Variants in ZFP36L2 observed in about 807,000 individuals in gnomAD.
ZFP36L2 encodes the protein ZFP36 like 2 zinc finger CCCH-type, also known as mRNA decay activator protein ZFP36L2.
In ZFP36L2, 16 loss-of-function variants were observed where a neutral mutation model predicts 27.9. That is an observed-to-expected ratio of 0.57 (90% confidence interval 0.39 to 0.87). The LOEUF (loss-of-function observed/expected upper bound fraction) is 0.87. Ranked by LOEUF, ZFP36L2 falls within the 40% of genes least tolerant of loss-of-function variation. ZFP36L2 has a pLI of 0.00. For missense variants in ZFP36L2, 989 were observed against 726.9 expected (o/e 1.36, Z -4.15); for synonymous variants, 600 against 363.8 (o/e 1.65, Z -7.39).
chr2:43,225,128 A>C lies in ZFP36L2; in HGVS notation c.676T>G (p.Ser226Ala). 1 of 1,594,426 alleles carries C rather than the reference A, an allele frequency of 6.3e-7. No individual in the cohort carries two copies. The change falls in exon 2 of 2, where the codon TCG becomes GCG. Residue 226 changes from serine (S) to alanine (A), a missense_variant. Physicochemically the swap from Ser to Ala is moderately conservative, Grantham distance 99. Transcript: ENST00000282388. The part of the protein sequence containing the change: ...HNADERRPAP[S>A]GGASGDLRAF... Reference sequence around the variant, plus strand: ...CGCAGGTCCCCGGAGGCGCCCCCCGACGGCGCGGGCCGCCGCTCGTCCGCG... The same window carrying C: ...CGCAGGTCCCCGGAGGCGCCCCCCGCCGGCGCGGGCCGCCGCTCGTCCGCG...
At position 43,224,882 on chromosome 2, in the gene ZFP36L2, A is replaced by C. The variant is rs373995498; in HGVS notation, c.922T>G (p.Ser308Ala). 5.4e-5 allele frequency: 82 copies of C among 1,516,378 alleles called. No individual in the cohort carries two copies. The East Asian group carries it at 8.5e-4, about 16-fold the overall frequency. The allele number at this position is 1,516,378 out of a possible 1,614,324, so 93.9% of individuals were successfully genotyped here. The change falls in exon 2 of 2, where the codon TCG becomes GCG. Residue 308 changes from serine (S) to alanine (A), a missense_variant. Ser to Ala is a moderately conservative substitution (Grantham distance 99). Coordinates refer to ENST00000282388, the MANE Select transcript of ZFP36L2 (RefSeq NM_006887.5). ...SCSSSASSCS[S>A]ASAASTPSGA... The stretch of plus-strand genomic sequence containing the variant: ...GAGGGCGTGGAGGCCGCGGAGGCCG[A>C]GGAACAGGAGGAGGCGGAGGAGGAG...
chr2:43,224,388 A>G lies in ZFP36L2; in HGVS notation c.1416T>C (p.Ser472=). Reference sequence around the variant, plus strand: ...GGCCAGGGTCGAGGCTGGGAGACTCAGAGCCGCTGAGGCTGCCGGAGCTCA... The same window carrying G: ...GGCCAGGGTCGAGGCTGGGAGACTCGGAGCCGCTGAGGCTGCCGGAGCTCA... ...GSLSSGSLSG[S]ESPSLDPGRR... The change falls in exon 2 of 2, where the codon TCT becomes TCC. Residue 472 remains serine, a synonymous_variant. Transcript: ENST00000282388. 6.4e-7 allele frequency: 1 copy of G among 1,562,248 alleles called. No homozygotes were observed. Among genetic ancestry groups the G allele is most frequent in the South Asian group, 1.2e-5 (1 of 86,916 alleles).
rs1666991067 is a variant in ZFP36L2 at position 43,222,506 on chromosome 2, C to T, written c.*1813G>A. On this transcript the variant is annotated 3_prime_UTR_variant, in exon 2 of 2. Transcript: ENST00000282388. ...TGAGCTGATTCCCCAAAATATATTA[C>T]AACTCAAGTTGACTTATCTTGTTAC... The T allele has an allele frequency of 6.6e-6, 1 of 152,328 alleles. No homozygotes were observed. 9.4% of individuals were successfully genotyped at this position (152,328 alleles called of 1,614,324 possible).
rs1446944474 is a variant in ZFP36L2 at position 43,224,655 on chromosome 2, A to C, written c.1149T>G (p.Phe383Leu). ...AGTAGGCGGCGGCGGCCACGGCGGC[A>C]AAGTTGTGGGTCTGGATGGCGAGCG... Reference protein sequence around the residue: ...ITPLAIQTHNFAAVAAAAYYR... With the variant: ...ITPLAIQTHNLAAVAAAAYYR... Residue 383 changes from phenylalanine (F) to leucine (L), a missense_variant, in exon 2 of 2, where the codon TTT becomes TTG. By Grantham distance (22) the Phe-to-Leu change is conservative. Coordinates refer to ENST00000282388, the MANE Select transcript of ZFP36L2 (RefSeq NM_006887.5). 6 of 1,516,586 alleles carry C rather than the reference A, an allele frequency of 4.0e-6. No individual in the cohort carries two copies. The African/African-American group carries it at 7.2e-5, about 18-fold the overall frequency. 93.9% of individuals were successfully genotyped at this position (1,516,586 alleles called of 1,614,324 possible).
rs1391998387 is a variant in ZFP36L2, at chr2:43,226,540, C to A, written c.-225G>T. ...AGGAGAGAAGCGAGGAGCGCTCCTCCGCGCCCCGGGGTGCCCGGCCCGCCC... is the reference window on the plus strand; with the variant it reads ...AGGAGAGAAGCGAGGAGCGCTCCTCAGCGCCCCGGGGTGCCCGGCCCGCCC... On this transcript the variant is annotated 5_prime_UTR_variant, in exon 1 of 2. Coordinates refer to ENST00000282388, the MANE Select transcript of ZFP36L2 (RefSeq NM_006887.5). 2.2e-5 allele frequency: 12 copies of A among 536,104 alleles called. No individual in the cohort carries two copies. In the African/African-American group the frequency reaches 2.5e-4, roughly 11 times the overall value. 33.2% of individuals were successfully genotyped at this position (536,104 alleles called of 1,614,324 possible). A position where few individuals can be genotyped will look rare whatever the true frequency, so the allele number is the denominator to read the frequency against.
Position 43,225,735 on chromosome 2 carries a change from G to C in ZFP36L2, c.69C>G (p.Ala23=). 1 of 1,592,702 alleles carries C rather than the reference G, an allele frequency of 6.3e-7. No homozygotes were observed. Among genetic ancestry groups the C allele is most frequent in the Non-Finnish European group, 8.5e-7 (1 of 1,177,612 alleles). The change falls in exon 2 of 2, where the codon GCC becomes GCG. Residue 23 remains alanine, a synonymous_variant. Coordinates refer to ENST00000282388, the MANE Select transcript of ZFP36L2 (RefSeq NM_006887.5). ...DFLCKTEKSL[A]NLNLNNMLDK... is the part of the protein sequence containing the mutation. ...CCAGCATGTTGTTCAGGTTGAGGTT[G>C]GCCAGGGATTTCTCTGTCTGCCAAA...
At position 43,225,672 on chromosome 2, in the gene ZFP36L2, G is replaced by A. The variant is rs1215743519; in HGVS notation, c.132C>T (p.Pro44=). 1.3e-5 allele frequency: 21 copies of A among 1,591,792 alleles called. No homozygotes were observed. The highest frequency in any genetic ancestry group is 1.7e-5 in the Non-Finnish European group (20 of 1,177,036). Residue 44 remains proline, a synonymous_variant, in exon 2 of 2, where the codon CCC becomes CCT. Coordinates refer to ENST00000282388, the MANE Select transcript of ZFP36L2 (RefSeq NM_006887.5). ...GGAATCCCGGCGCGAAGCCCGAGCTGGGGGCGGCGGCCACAGGCGTCCCCA... is the reference window on the plus strand; with the variant it reads ...GGAATCCCGGCGCGAAGCCCGAGCTAGGGGCGGCGGCCACAGGCGTCCCCA... ...KAVGTPVAAA[P]SSGFAPGFLR... is the part of the protein sequence containing the mutation.
At position 43,224,181 on chromosome 2, in the gene ZFP36L2, C is replaced by A; in HGVS notation, c.*138G>T. The A allele has an allele frequency of 1.2e-6, 1 of 841,794 alleles. No individual in the cohort carries two copies. 52.1% of individuals were successfully genotyped at this position (841,794 alleles called of 1,614,324 possible). Reference sequence around the variant, plus strand: ...CCGGCACAGAGTTCGAGTCCAAGTGCTCGGTCGGGCTTGCAGTCTGCCTAG... The same window carrying A: ...CCGGCACAGAGTTCGAGTCCAAGTGATCGGTCGGGCTTGCAGTCTGCCTAG... On this transcript the variant is annotated 3_prime_UTR_variant, in exon 2 of 2. Coordinates refer to ENST00000282388, the MANE Select transcript of ZFP36L2 (RefSeq NM_006887.5).
chr2:43,226,167 A>G, intron 1 of ZFP36L2, 98 bp downstream of exon 1: 3 of 1,490,804 alleles, frequency 2.0e-6, no homozygotes, highest in Non-Finnish European at 2.7e-6. Flanking sequence ...CCCGACCTGA[A>G]AGGCAGGGCG....
At position 43,224,856 on chromosome 2, in the gene ZFP36L2, C is replaced by G. The variant is rs753764992; in HGVS notation, c.948G>C (p.Ser316=). The G allele has an allele frequency of 2.0e-6, 3 of 1,475,948 alleles. No homozygotes were observed. Among genetic ancestry groups the G allele is most frequent in the African/African-American group, 1.5e-5 (1 of 67,124 alleles). The allele number at this position is 1,475,948 out of a possible 1,614,324, so 91.4% of individuals were successfully genotyped here. ...CGGAGGCGCAGCATGTCGGGGCGCC[C>G]GAGGGCGTGGAGGCCGCGGAGGCCG... ...CSSASAASTP[S]GAPTCCASAA... Residue 316 remains serine, a synonymous_variant, in exon 2 of 2, where the codon TCG becomes TCC. Coordinates refer to ENST00000282388, the MANE Select transcript of ZFP36L2 (RefSeq NM_006887.5).
rs752756071 is a variant in ZFP36L2, at chr2:43,225,547, C to A, written c.257G>T (p.Ser86Ile). 2 of 1,580,698 alleles carry A rather than the reference C, an allele frequency of 1.3e-6. No individual in the cohort carries two copies. Among genetic ancestry groups the A allele is most frequent in the Non-Finnish European group, 1.7e-6 (2 of 1,167,638 alleles). ...ACCGCCGGCCGCCGCGCTGCCGCAG[C>A]TGCTGCCGTTAGCGGCGCCCGGGAA... The part of the protein sequence containing the change: ...PKFPGAANGS[S>I]CGSAAAGGPT... The change falls in exon 2 of 2, where the codon AGC becomes ATC. Residue 86 changes from serine to isoleucine, a missense_variant. By Grantham distance (142) the Ser-to-Ile change is moderately radical. Coordinates refer to ENST00000282388, the MANE Select transcript of ZFP36L2 (RefSeq NM_006887.5).
rs899696795 is a variant in ZFP36L2, at chr2:43,223,525, A to G, written c.*794T>C. On this transcript the variant is annotated 3_prime_UTR_variant, in exon 2 of 2. Coordinates refer to ENST00000282388, the MANE Select transcript of ZFP36L2 (RefSeq NM_006887.5). ...TGGTGCGAATCAACTCAAAACAGCT[A>G]AAAATTCAGCAGTTATTCTCCAACA... is the stretch of plus-strand genomic sequence containing the variant. The G allele has an allele frequency of 6.6e-6, 1 of 152,608 alleles. No homozygotes were observed. Among genetic ancestry groups the G allele is most frequent in the Non-Finnish European group, 1.5e-5 (1 of 68,040 alleles). 9.5% of individuals were successfully genotyped at this position (152,608 alleles called of 1,614,324 possible).
chr2:43,223,216 TAATG>T lies in ZFP36L2; in HGVS notation c.*1099_*1102del, dbSNP rs1246053855. On this transcript the variant is annotated 3_prime_UTR_variant, in exon 2 of 2. Transcript: ENST00000282388. The stretch of plus-strand genomic sequence containing the variant: ...AATTTACGTAAACAAGGAAAGAAAT[TAATG>T]AAATAAATATTACATACAATCTCTT... The T allele has an allele frequency of 6.6e-6, 1 of 152,196 alleles. No homozygotes were observed. Among genetic ancestry groups the T allele is most frequent in the Non-Finnish European group, 1.5e-5 (1 of 68,012 alleles). The allele number at this position is 152,196 out of a possible 1,614,324, so 9.4% of individuals were successfully genotyped here.
In ZFP36L2 at chr2:43,224,194, G is replaced by C; in HGVS notation, c.*125C>G. 1 of 1,002,004 alleles carries C rather than the reference G, an allele frequency of 1.0e-6. No individual in the cohort carries two copies. The highest frequency in any genetic ancestry group is 1.3e-6 in the Non-Finnish European group (1 of 759,794). 62.1% of individuals were successfully genotyped at this position (1,002,004 alleles called of 1,614,324 possible). A position where few individuals can be genotyped will look rare whatever the true frequency, so the allele number is the denominator to read the frequency against. On this transcript the variant is annotated 3_prime_UTR_variant, in exon 2 of 2. Transcript: ENST00000282388. Reference sequence around the variant, plus strand: ...CGAGTCCAAGTGCTCGGTCGGGCTTGCAGTCTGCCTAGGGCCCATGTCACC... The same window carrying C: ...CGAGTCCAAGTGCTCGGTCGGGCTTCCAGTCTGCCTAGGGCCCATGTCACC...
At position 43,223,343 on chromosome 2, in the gene ZFP36L2, GATTA is replaced by G. The variant is rs908307661; in HGVS notation, c.*972_*975del. 1.3e-5 allele frequency: 2 copies of G among 152,188 alleles called. No individual in the cohort carries two copies. The highest frequency in any genetic ancestry group is 4.8e-5 in the African/African-American group (2 of 41,386). The allele number at this position is 152,188 out of a possible 1,614,324, so 9.4% of individuals were successfully genotyped here. ...AAGAACATACACTCCACATTTTGCC[GATTA>G]ATAATGGCAATCATAATTTAACATA... On this transcript the variant is annotated 3_prime_UTR_variant, in exon 2 of 2. Coordinates refer to ENST00000282388, the MANE Select transcript of ZFP36L2 (RefSeq NM_006887.5).
rs1406176635 is a variant in ZFP36L2 at position 43,225,507 on chromosome 2, G to A, written c.297C>T (p.Gly99=). The A allele has an allele frequency of 3.1e-6, 5 of 1,604,612 alleles. No homozygotes were observed. The highest frequency in any genetic ancestry group is 4.2e-6 in the Non-Finnish European group (5 of 1,177,380). Reference sequence around the variant, plus strand: ...CGCCCCCCGACGGCTCCTTAAGGGTGCCGTAGGAGGTCGGACCGCCGGCCG... The same window carrying A: ...CGCCCCCCGACGGCTCCTTAAGGGTACCGTAGGAGGTCGGACCGCCGGCCG... The part of the protein sequence containing the change: ...SAAAGGPTSY[G]TLKEPSGGGG... Residue 99 remains glycine (G), a synonymous_variant, in exon 2 of 2, where the codon GGC becomes GGT. Coordinates refer to ENST00000282388, the MANE Select transcript of ZFP36L2 (RefSeq NM_006887.5).
chr2:43,226,465 T>G lies in ZFP36L2; in HGVS notation c.-150A>C, dbSNP rs1390430466. ...CCGGGGGGCGAGAGGAGAGGGCGAG[T>G]GCAGCGGCGCGGGCCGGCGGGAGGG... is the stretch of plus-strand genomic sequence containing the variant. On this transcript the variant is annotated 5_prime_UTR_variant, in exon 1 of 2. Coordinates refer to ENST00000282388, the MANE Select transcript of ZFP36L2 (RefSeq NM_006887.5). 2.0e-6 allele frequency: 2 copies of G among 991,522 alleles called. No individual in the cohort carries two copies. Among genetic ancestry groups the G allele is most frequent in the Admixed American group, 4.8e-5 (2 of 41,790 alleles). 61.4% of individuals were successfully genotyped at this position (991,522 alleles called of 1,614,324 possible).
Position 43,224,793 on chromosome 2 carries a change from G to A in ZFP36L2, c.1011C>T (p.Thr337=), listed in dbSNP as rs138688715. The change falls in exon 2 of 2, where the codon ACC becomes ACT. Residue 337 remains threonine, a synonymous_variant. Coordinates refer to ENST00000282388, the MANE Select transcript of ZFP36L2 (RefSeq NM_006887.5). ...AAAAAALLYG[T]GGAEDLLAPG... is the part of the protein sequence containing the mutation. ...GCGCCAGCAGGTCCTCGGCGCCCCC[G>A]GTGCCGTACAGCAGAGCGGCCGCAG... 6.3e-4 allele frequency: 913 copies of A among 1,454,744 alleles called. 8 individuals carry two copies. The African/African-American group carries it at 0.011, about 17-fold the overall frequency. The allele number at this position is 1,454,744 out of a possible 1,614,324, so 90.1% of individuals were successfully genotyped here. A position where few individuals can be genotyped will look rare whatever the true frequency, so the allele number is the denominator to read the frequency against.
Position 43,225,701 on chromosome 2 carries a change from C to T in ZFP36L2, c.103G>A (p.Ala35Thr), listed in dbSNP as rs766861473. Reference protein sequence around the residue: ...LNLNNMLDKKAVGTPVAAAPS... With the variant: ...LNLNNMLDKKTVGTPVAAAPS... ...GCGGCGGCCACAGGCGTCCCCACCG[C>T]CTTCTTGTCCAGCATGTTGTTCAGG... The change falls in exon 2 of 2, where the codon GCG becomes ACG. Residue 35 changes from alanine to threonine, a missense_variant. Physicochemically the swap from Ala to Thr is moderately conservative, Grantham distance 58. Coordinates refer to ENST00000282388, the MANE Select transcript of ZFP36L2 (RefSeq NM_006887.5). The T allele has an allele frequency of 1.9e-6, 3 of 1,595,526 alleles. No individual in the cohort carries two copies. The highest frequency in any genetic ancestry group is 3.3e-5 in the Admixed American group (2 of 59,820).
Sources: allele counts gnomAD v4.1 joint callset, GRCh38; gene constraint gnomAD v4.1.1; transcripts MANE v1.5; gene names NCBI Gene and HGNC (gene_info 2026-07-23, HGNC 2026-07-21).